MYO1E: variants seen among roughly 807,000 people sequenced by gnomAD.
MYO1E encodes myosin IE.
Under a neutral mutation model 151.1 loss-of-function variants are expected in MYO1E, and 68 were observed. The ratio of observed to expected loss-of-function variants is 0.45; its 90% CI spans 0.37 to 0.55. The LOEUF is 0.55. MYO1E is among the 20% of genes least tolerant of loss of function. The pLI, the probability that MYO1E is intolerant of heterozygous loss-of-function variation, is 0.00. For synonymous variants in MYO1E, 601 were observed against 501.7 expected, an observed-to-expected ratio of 1.20 and a Z score of -2.64; for missense variants, 1,363 against 1,389.3, an observed-to-expected ratio of 0.98 and a Z score of 0.30.
chr15:59,260,219 T>C (rs781487634), intron 3 of MYO1E, among the ~76,000 whole-genome samples: 9 of 152,350 alleles, frequency 5.9e-5, no homozygotes, highest in Non-Finnish European at 1.2e-4. Flanking sequence ...TTGGCTGTCA[T>C]TGAGGACGCC....
At chr15:59,169,642 G>T (rs186848944) in intron 22 of MYO1E, among the ~76,000 whole-genome samples, 3 of 152,070 alleles carry the variant, frequency 2.0e-5, no homozygotes, top group Admixed American at 6.5e-5. Context: ...AGGAAAGACC[G>T]CAAGAAAGGA....
intron 24 of MYO1E, among the ~76,000 whole-genome samples, chr15:59,160,506 C>A (rs1483318348): frequency 6.6e-6 from 1 of 151,598 alleles, no homozygotes; most frequent in Admixed American, 6.6e-5. Context: ...ACCTCCCAGG[C>A]TCAAGCCATC....
intron 21 of MYO1E, among the ~76,000 whole-genome samples, 171 bp from the exon 22 acceptor site, chr15:59,172,213 TG>T (rs2079599779): frequency 6.6e-6 from 1 of 152,048 alleles, no homozygotes; most frequent in Non-Finnish European, 1.5e-5. Flanking sequence ...AAAAATTAGC[TG>T]GGTGTGGTGG....
chr15:59,259,992 C>T (rs1326778434), intron 3 of MYO1E, among the ~76,000 whole-genome samples: 1 of 152,226 alleles, frequency 6.6e-6, no homozygotes. Context: ...TTTATTATTG[C>T]TGCAAGTATA....
At chr15:59,208,298 T>C in intron 14 of MYO1E, 1 of 576,978 alleles carries the variant, frequency 1.7e-6, no homozygotes, top group Non-Finnish European at 3.1e-6. Context: ...TTGGTACCTC[T>C]GATGTAGCAG....
At chr15:59,197,744 G>A (rs2079776675) in intron 16 of MYO1E, among the ~76,000 whole-genome samples, 1 of 152,214 alleles carries the variant, frequency 6.6e-6, no homozygotes, top group Non-Finnish European at 1.5e-5. Context: ...GGAATTAACT[G>A]GTTGAGGTAG....
chr15:59,316,720 T>C (rs1054923940), intron 1 of MYO1E, among the ~76,000 whole-genome samples: 6 of 152,206 alleles, frequency 3.9e-5, no homozygotes, highest in Non-Finnish European at 7.3e-5. Flanking sequence ...TTGCTTTCCA[T>C]AGCGAACTTC....
chr15:59,208,121 G>C (rs2079852616), intron 14 of MYO1E: 3 of 1,520,912 alleles, frequency 2.0e-6, no homozygotes, highest in African/African-American at 1.4e-5. Context: ...AATTATTGAA[G>C]AGATCATAGA....
chr15:59,179,582 G>A (rs893053007), intron 18 of MYO1E, among the ~76,000 whole-genome samples: 12 of 152,286 alleles, frequency 7.9e-5, no homozygotes, highest in African/African-American at 2.6e-4. Context: ...ACCTGATCAG[G>A]TTGGTTTTCC....
rs909945781 is a variant in MYO1E, at chr15:59,159,906, G to A, written c.2785+1167C>T. 2.0e-5 allele frequency among the ~76,000 whole-genome samples: 3 copies of A among 152,198 alleles called. No individual in the cohort carries two copies. The highest frequency in any genetic ancestry group is 2.9e-5 in the Non-Finnish European group (2 of 68,004). On this transcript the variant is annotated intron_variant, in intron 24 of 27. Coordinates refer to ENST00000288235, the MANE Select transcript of MYO1E (RefSeq NM_004998.4). This position sits in a 1 kb window ranked among gnomAD's most constrained non-coding sequence, Gnocchi z 4.4. The stretch of plus-strand genomic sequence containing the variant: ...GTTGCCCAGGCTGGTGTGCAATGGC[G>A]CGATCTCAGCTCACTGCAACCTCCA...
rs1242753330 is a variant in MYO1E at position 59,218,046 on chromosome 15, G to A, written c.952C>T (p.Arg318Trp). 1.4e-5 allele frequency: 22 copies of A among 1,613,932 alleles called. No homozygotes were observed. The Admixed American group carries it at 2.8e-4, about 21-fold the overall frequency. Residue 318 changes from arginine to tryptophan, a missense_variant, in exon 10 of 28, where the codon CGG (arginine) becomes TGG (tryptophan). Physicochemically the swap from Arg to Trp is moderately radical, Grantham distance 101. Transcript: ENST00000288235. ...CGGCTTGTTAGCTTTTCTTTCAACC[G>A]GTCCTGGTTTATCCCTAGCAGATAT... ...PAYLLGINQD[R>W]LKEKLTSRQM...
At chr15:59,249,082 T>C (rs2080148289) in intron 4 of MYO1E, among the ~76,000 whole-genome samples, 1 of 152,216 alleles carries the variant, frequency 6.6e-6, no homozygotes, top group Non-Finnish European at 1.5e-5. Flanking sequence ...CATGGAGCCC[T>C]GTGCTTGAGA....
intron 1 of MYO1E, among the ~76,000 whole-genome samples, chr15:59,276,471 T>G (rs1332766151): frequency 6.6e-6 from 1 of 152,098 alleles, no homozygotes; most frequent in Non-Finnish European, 1.5e-5. Flanking sequence ...ATAACAATAA[T>G]GAAAAGTTAC....
chr15:59,296,988 C>T (rs4238337), intron 1 of MYO1E, among the ~76,000 whole-genome samples: 49,373 of 79,660 alleles, frequency 0.62, 17,595 homozygotes, highest in South Asian at 0.83. Context: ...TACAGGCGCC[C>T]GCTACCACGC....
intron 17 of MYO1E, among the ~76,000 whole-genome samples, chr15:59,189,383 A>G (rs1379356886): frequency 6.7e-6 from 1 of 149,456 alleles, no homozygotes; most frequent in Non-Finnish European, 1.5e-5. Flanking sequence ...CTTTCCCTTC[A>G]CTTTCCCTTC....
intron 1 of MYO1E, among the ~76,000 whole-genome samples, chr15:59,282,434 T>C (rs1244310498): frequency 6.6e-6 from 1 of 152,138 alleles, no homozygotes; most frequent in African/African-American, 2.4e-5. Flanking sequence ...AACTGCTTTT[T>C]ATTCTTTCTC....
chr15:59,315,342 T>C (rs2080581369), intron 1 of MYO1E, among the ~76,000 whole-genome samples: 1 of 152,082 alleles, frequency 6.6e-6, no homozygotes, highest in South Asian at 2.1e-4. Context: ...CCCATCCACG[T>C]AAAACATTTT....
rs1407675024 is a variant in MYO1E at position 59,216,499 on chromosome 15, C to T, written c.1107+1392G>A. Among the ~76,000 whole-genome samples, 7 of 144,264 alleles carry T rather than the reference C, an allele frequency of 4.9e-5. No homozygotes were observed. In the East Asian group the frequency reaches 1.4e-3, roughly 29 times the overall value. 94.6% of individuals were successfully genotyped at this position (144,264 alleles called of 152,430 possible). A position where few individuals can be genotyped will look rare whatever the true frequency, so the allele number is the denominator to read the frequency against. On this transcript the variant is annotated intron_variant, in intron 10 of 27. Transcript: ENST00000288235. ...GATTAACAGAGATTGTTACTGGCAG[C>T]TCTACACTGCTGAAAGACTAATTGT...
intron 15 of MYO1E, among the ~76,000 whole-genome samples, chr15:59,202,660 A>C (rs4775127): frequency 6.6e-6 from 1 of 152,210 alleles, no homozygotes; most frequent in East Asian, 1.9e-4. Context: ...TTTTAAAACA[A>C]TGCCTTTCCA....
Sources: gnomAD v4.1 joint callset for allele counts (sites outside exome capture counted in the v4.1 genomes callset) on GRCh38, gnomAD v4.1.1 for gene constraint, Gnocchi (gnomAD v3.1) non-coding constraint, MANE v1.5 for transcripts, NCBI Gene and HGNC (gene_info 2026-07-23, HGNC 2026-07-21) for gene names.